MED12L: variants seen among roughly 807,000 people sequenced by gnomAD.
MED12L encodes mediator of RNA polymerase II transcription subunit 12-like protein.
A neutral mutation model predicts 281.3 loss-of-function variants in MED12L; 60 were observed. The ratio of observed to expected loss-of-function variants is 0.21; its 90% CI spans 0.17 to 0.26. The LOEUF (loss-of-function observed/expected upper bound fraction) is 0.26. MED12L is among the 10% of genes least tolerant of loss of function. The probability of loss-of-function intolerance (pLI) is 1.00; values close to 1 mark genes in which losing one functional copy is unlikely to be tolerated. For missense variants in MED12L, 2,146 were observed against 2,680.9 expected, an observed-to-expected ratio of 0.80 and a Z score of 4.41; for synonymous variants, 974 against 987.2, an observed-to-expected ratio of 0.99 and a Z score of 0.25.
At position 151,130,745 on chromosome 3, in the gene MED12L, GA is replaced by G. The variant is rs1398940455; in HGVS notation, c.556+2765del. Among the ~76,000 whole-genome samples, 6 of 152,322 alleles carry G rather than the reference GA, an allele frequency of 3.9e-5. 1 individual carries two copies. Among genetic ancestry groups the G allele is most frequent in the Non-Finnish European group, 4.4e-5 (3 of 68,040 alleles). ...GTCTCTGCCCAGACGCGCTTCCTAA[GA>G]AAAGCCTTCTCCAACCACTGCTGCC... On this transcript the variant is annotated intron_variant, in intron 5 of 44. Coordinates refer to ENST00000687756, the MANE Select transcript of MED12L (RefSeq NM_001393769.1).
At position 151,193,694 on chromosome 3, in the gene MED12L, C is replaced by G. The variant is rs950868103; in HGVS notation, c.2250+28C>G. ...AAGTCATTGCTTCAGTTAATCTATA[C>G]CCTGATTATTTTATTATAAGATCAA... On this transcript the variant is annotated intron_variant, in intron 16 of 44. Coordinates refer to ENST00000687756, the MANE Select transcript of MED12L (RefSeq NM_001393769.1). The G allele has an allele frequency of 2.6e-6, 4 of 1,548,274 alleles. No individual in the cohort carries two copies. In the African/African-American group the frequency reaches 5.5e-5, roughly 21 times the overall value.
chr3:151,394,555 T>C (rs1423468215), intron 38 of MED12L, 101 bp from the exon 39 acceptor site: 2 of 1,547,276 alleles, frequency 1.3e-6, no homozygotes, highest in Non-Finnish European at 1.7e-6. Context: ...ACTTTGTTCA[T>C]AAAGTGAGAC....
intron 22 of MED12L, 143 bp downstream of exon 22, chr3:151,365,349 T>C: frequency 1.5e-6 from 1 of 652,522 alleles, no homozygotes. Context: ...TTCCTTAATT[T>C]ACCTCTGCAC....
chr3:151,107,843 G>A (rs985434158), intron 2 of MED12L, among the ~76,000 whole-genome samples: 5 of 152,100 alleles, frequency 3.3e-5, no homozygotes, highest in African/African-American at 1.2e-4. Context: ...AGTTATCTTA[G>A]TCTCAATCGT....
chr3:151,393,075 A>G (rs1714497376), intron 38 of MED12L, among the ~76,000 whole-genome samples: 1 of 152,152 alleles, frequency 6.6e-6, no homozygotes, highest in Admixed American at 6.5e-5. Flanking sequence ...ATGCTGCTGA[A>G]TGACTTTGTA....
At chr3:151,186,738 C>T (rs1053811622) in intron 12 of MED12L, among the ~76,000 whole-genome samples, 5 of 151,702 alleles carry the variant, frequency 3.3e-5, no homozygotes, top group Non-Finnish European at 5.9e-5. Context: ...ACCCCTCAAG[C>T]ACTCTTTCTC....
At chr3:151,273,149 A>G (rs1425619708) in intron 16 of MED12L, among the ~76,000 whole-genome samples, 1 of 151,530 alleles carries the variant, frequency 6.6e-6, no homozygotes, top group African/African-American at 2.4e-5. Flanking sequence ...CATTGTTCTT[A>G]TAGTCATCAG....
intron 11 of MED12L, among the ~76,000 whole-genome samples, chr3:151,173,280 C>G (rs1576887710): frequency 6.6e-6 from 1 of 152,126 alleles, no homozygotes; most frequent in Non-Finnish European, 1.5e-5. Flanking sequence ...TGATACCCAA[C>G]TCATTGGTGG....
chr3:151,338,532 T>C (rs1751356812), intron 16 of MED12L: 9 of 1,613,942 alleles, frequency 5.6e-6, no homozygotes, highest in Non-Finnish European at 7.6e-6. Context: ...CATTGTGAAA[T>C]AAAATATGAC....
At chr3:151,110,760 TTG>T (rs147753454) in intron 2 of MED12L, among the ~76,000 whole-genome samples, 6 of 150,092 alleles carry the variant, frequency 4.0e-5, no homozygotes, top group African/African-American at 4.9e-5. Context: ...GTATGTATGT[TTG>T]TGTGTGTGTG....
intron 16 of MED12L, chr3:151,294,773 G>T (rs139050863): frequency 2.5e-6 from 4 of 1,613,824 alleles, no homozygotes; most frequent in East Asian, 4.5e-5. Flanking sequence ...TAAAACCTTC[G>T]TGAAGGTTAT....
intron 16 of MED12L, among the ~76,000 whole-genome samples, chr3:151,230,443 A>G (rs572324006): frequency 4.3e-4 from 66 of 152,342 alleles, no homozygotes; most frequent in Non-Finnish European, 7.6e-4. Context: ...TGCCTCAGGT[A>G]TAATACCTGT....
chr3:151,246,458 A>G (rs1185455443), intron 16 of MED12L, among the ~76,000 whole-genome samples: 1 of 152,224 alleles, frequency 6.6e-6, no homozygotes, highest in East Asian at 1.9e-4. Context: ...GCCCTCAGAA[A>G]TAACGCCGCA....
intron 39 of MED12L, among the ~76,000 whole-genome samples, chr3:151,402,232 A>G (rs1052013255): frequency 6.6e-6 from 1 of 152,174 alleles, no homozygotes; most frequent in African/African-American, 2.4e-5. Flanking sequence ...GCTCAGGGAA[A>G]TTTTTAACAT....
At chr3:151,283,708 A>G (rs1743106085) in intron 16 of MED12L, among the ~76,000 whole-genome samples, 1 of 152,248 alleles carries the variant, frequency 6.6e-6, no homozygotes, top group Non-Finnish European at 1.5e-5. Context: ...TCTGTAACCA[A>G]AATATGGGGA....
intron 16 of MED12L, among the ~76,000 whole-genome samples, chr3:151,209,315 G>A (rs1374389633): frequency 6.6e-6 from 1 of 152,180 alleles, no homozygotes. Context: ...TGATTCACAT[G>A]TAATATTTAT....
rs1716926272 is a variant in MED12L at position 151,411,456 on chromosome 3, A to G, written c.6089A>G (p.Tyr2030Cys). 9 of 1,614,206 alleles carry G rather than the reference A, an allele frequency of 5.6e-6. No homozygotes were observed. Among genetic ancestry groups the G allele is most frequent in the South Asian group, 1.1e-5 (1 of 91,088 alleles). The stretch of plus-strand genomic sequence containing the variant: ...CAGATTCAGCAGCAGCCGAGTGGCT[A>G]TGTTCAGCAGCAGGCCTCGCCGTAC... The part of the protein sequence containing the change: ...LRQIQQQPSG[Y>C]VQQQASPYLQ... The change falls in exon 41 of 45, where the codon TAT becomes TGT. Residue 2030 changes from tyrosine to cysteine, a missense_variant. Tyr to Cys is a radical substitution (Grantham distance 194, BLOSUM62 -2). This residue lies in a region of MED12L where 496 missense variants were observed against 512.0 expected (regional missense o/e 0.97). Coordinates refer to ENST00000687756, the MANE Select transcript of MED12L (RefSeq NM_001393769.1).
intron 2 of MED12L, among the ~76,000 whole-genome samples, chr3:151,100,304 C>G (rs777701200): frequency 6.6e-6 from 1 of 152,198 alleles, no homozygotes; most frequent in Non-Finnish European, 1.5e-5. Context: ...TGCAGATCAG[C>G]TGTGCAACTG....
chr3:151,297,037 T>G (rs1745197241), intron 16 of MED12L, among the ~76,000 whole-genome samples: 1 of 152,184 alleles, frequency 6.6e-6, no homozygotes, highest in Admixed American at 6.5e-5. Flanking sequence ...TTCCCTTTTA[T>G]TCCTTACCAT....
Sources: allele counts gnomAD v4.1 joint callset (sites outside exome capture counted in the v4.1 genomes callset), GRCh38; gene constraint gnomAD v4.1.1; regional missense constraint gnomAD v4.1.1; transcripts MANE v1.5; gene names NCBI Gene and HGNC (gene_info 2026-07-23, HGNC 2026-07-21).